VPS36: variants seen among roughly 807,000 people sequenced by gnomAD.
VPS36 encodes the protein vacuolar protein sorting 36 homolog, also known as vacuolar protein-sorting-associated protein 36.
Under a neutral mutation model 63.5 loss-of-function variants are expected in VPS36, and 31 were observed. The observed-to-expected ratio is 0.49, with a 90% CI of 0.37 to 0.66. The LOEUF is 0.66. Among genes scored for constraint, VPS36 ranks in the 30% least tolerant of loss-of-function variants. The probability of loss-of-function intolerance (pLI) is 0.00; values close to 1 mark genes in which losing one functional copy is unlikely to be tolerated. For missense variants in VPS36, 338 were observed against 463.7 expected (o/e 0.73, Z 2.49); for synonymous variants, 138 against 157.2 (o/e 0.88, Z 0.91).
In VPS36 at chr13:52,435,032, C is replaced by T. The variant is rs71437858; in HGVS notation, c.352-150G>A. On this transcript the variant is annotated intron_variant, in intron 4 of 13. Transcript: ENST00000378060. ...TGTTGCCCAGGCTGGAGTGCAATGG[C>T]GTGATCTAGGCTCACCACAACTTCC... 4,014 of 681,424 alleles carry T rather than the reference C, an allele frequency of 5.9e-3. 22 individuals are homozygous for T. The highest frequency in any genetic ancestry group is 7.6e-3 in the Non-Finnish European group (3,309 of 438,000). 42.2% of individuals were successfully genotyped at this position (681,424 alleles called of 1,614,324 possible).
intron 6 of VPS36, among the ~76,000 whole-genome samples, chr13:52,431,809 A>G (rs1456321003): frequency 6.6e-6 from 1 of 151,350 alleles, no homozygotes; most frequent in Non-Finnish European, 1.5e-5. Flanking sequence ...AGTTTCTCAG[A>G]TAAATGGTTG....
At chr13:52,439,354 T>C (rs1333818826) in intron 2 of VPS36, among the ~76,000 whole-genome samples, 186 bp from the exon 3 acceptor site, 1 of 152,186 alleles carries the variant, frequency 6.6e-6, no homozygotes, top group Non-Finnish European at 1.5e-5. Flanking sequence ...TGTGGTGGCA[T>C]TTGGCTGCAT....
chr13:52,417,223 T>C (rs1280602979), intron 11 of VPS36, 82 bp from the exon 12 acceptor site: 1 of 1,190,186 alleles, frequency 8.4e-7, no homozygotes, highest in African/African-American at 1.5e-5. Context: ...TTTTATACCT[T>C]CTTTTATGCC....
chr13:52,416,427 G>A (rs1184793626), intron 12 of VPS36: 2 of 211,692 alleles, frequency 9.4e-6, no homozygotes, highest in South Asian at 1.1e-4. Flanking sequence ...ACATATTAAC[G>A]CTCCAGCGAA....
At chr13:52,439,309 A>AGTTC in intron 2 of VPS36, 141 bp from the exon 3 acceptor site, 5 of 663,968 alleles carry the variant, frequency 7.5e-6, no homozygotes, top group Non-Finnish European at 1.2e-5. Flanking sequence ...TTACTCCTTA[A>AGTTC]ATGAACTTAA....
intron 6 of VPS36, among the ~76,000 whole-genome samples, chr13:52,431,844 T>C (rs1474381986): frequency 1.3e-5 from 2 of 151,246 alleles, no homozygotes; most frequent in South Asian, 2.1e-4. Context: ...GCAGGAAATG[T>C]ACAAGATGGT....
At chr13:52,425,883 G>A in intron 9 of VPS36, 49 bp downstream of exon 9, 1 of 1,558,378 alleles carries the variant, frequency 6.4e-7, no homozygotes, top group Non-Finnish European at 8.7e-7. Context: ...TAATGACATA[G>A]GGCTAATTTA....
At chr13:52,419,737 C>G (rs939298131) in intron 10 of VPS36, among the ~76,000 whole-genome samples, 7 of 152,182 alleles carry the variant, frequency 4.6e-5, no homozygotes, top group African/African-American at 1.7e-4. Flanking sequence ...ACATCATTTG[C>G]AACAACATGG....
In VPS36 at chr13:52,415,935, CAACAA is replaced by C. The variant is rs754732871; in HGVS notation, c.1068-17_1068-13del. ...CTGCAAGCAGCAACCTAAAAAAAAACAACAAAAAAACCCCCACACAATTATCTGTT... is the reference window on the plus strand; with the variant it reads ...CTGCAAGCAGCAACCTAAAAAAAAACAAAAACCCCCACACAATTATCTGTT... On this transcript the variant is annotated splice_polypyrimidine_tract_variant and intron_variant, in intron 13 of 13. Transcript: ENST00000378060. 1.2e-6 allele frequency: 2 copies of C among 1,611,652 alleles called. No individual in the cohort carries two copies. The highest frequency in any genetic ancestry group is 2.7e-5 in the African/African-American group (2 of 74,470).
chr13:52,439,336 A>G (rs1958250288), intron 2 of VPS36, among the ~76,000 whole-genome samples, 168 bp from the exon 3 acceptor site: 1 of 152,218 alleles, frequency 6.6e-6, no homozygotes. Context: ...ATTAAATGAA[A>G]ACAGTAATGT....
Position 52,436,277 on chromosome 13 carries a change from T to G in VPS36, c.351+13A>C. On this transcript the variant is annotated intron_variant, in intron 4 of 13. Coordinates refer to ENST00000378060, the MANE Select transcript of VPS36 (RefSeq NM_016075.4). ...CACCTTTCTAGTACGATTTTATTCA[T>G]GTAGAAACTTACCTCAATCTGGCCA... is the stretch of plus-strand genomic sequence containing the variant. The G allele has an allele frequency of 1.3e-6, 2 of 1,545,092 alleles. No individual in the cohort carries two copies. The highest frequency in any genetic ancestry group is 2.3e-5 in the South Asian group (2 of 87,414).
rs1333557705 is a variant in VPS36, at chr13:52,428,361, T to C, written c.529-1142A>G. On this transcript the variant is annotated intron_variant, in intron 6 of 13. Transcript: ENST00000378060. Reference sequence around the variant, plus strand: ...AGTCCATATGGTGGTCTGAAACATATAATAGTGGCTCTGATCAGCTTATGC... The same window carrying C: ...AGTCCATATGGTGGTCTGAAACATACAATAGTGGCTCTGATCAGCTTATGC... 4.6e-5 allele frequency among the ~76,000 whole-genome samples: 7 copies of C among 152,180 alleles called. No individual in the cohort carries two copies. The South Asian group carries it at 8.3e-4, about 18-fold the overall frequency.
At chr13:52,428,692 T>C (rs1330093895) in intron 6 of VPS36, among the ~76,000 whole-genome samples, 1 of 152,160 alleles carries the variant, frequency 6.6e-6, no homozygotes, top group Admixed American at 6.5e-5. Context: ...AAAACACACA[T>C]TTTGCACACT....
chr13:52,445,409 G>A (rs1330506726), intron 1 of VPS36, among the ~76,000 whole-genome samples: 1 of 152,018 alleles, frequency 6.6e-6, no homozygotes, highest in Admixed American at 6.6e-5. Flanking sequence ...GGAGGCCGAG[G>A]AAGGCGGATC....
At chr13:52,418,560 C>G (rs1189855340) in intron 10 of VPS36, among the ~76,000 whole-genome samples, 1 of 110,526 alleles carries the variant, frequency 9.0e-6, no homozygotes, top group Non-Finnish European at 1.7e-5. Context: ...GGCGATAGTG[C>G]GAGACTCCAT....
At chr13:52,430,475 A>C (rs964660643) in intron 6 of VPS36, among the ~76,000 whole-genome samples, 10 of 152,020 alleles carry the variant, frequency 6.6e-5, no homozygotes, top group African/African-American at 2.4e-4. Flanking sequence ...TACTAAAAAT[A>C]TAAAAAATTA....
intron 1 of VPS36, among the ~76,000 whole-genome samples, chr13:52,445,754 G>A (rs1315848275): frequency 7.0e-6 from 1 of 143,732 alleles, no homozygotes; most frequent in African/African-American, 2.5e-5. Flanking sequence ...TGACTAACAC[G>A]GTGAAACCCC....
At chr13:52,443,959 T>C (rs1958307948) in intron 1 of VPS36, among the ~76,000 whole-genome samples, 1 of 152,190 alleles carries the variant, frequency 6.6e-6, no homozygotes, top group African/African-American at 2.4e-5. Context: ...CTTCCTTGTG[T>C]CCTTTCCAGG....
intron 11 of VPS36, 144 bp from the exon 12 acceptor site, chr13:52,417,285 A>T (rs1449334132): frequency 9.8e-6 from 6 of 613,148 alleles, no homozygotes; most frequent in African/African-American, 1.8e-5. Flanking sequence ...TATCAAACCC[A>T]AGCAACAATG....
Sources: allele counts gnomAD v4.1 joint callset (sites outside exome capture counted in the v4.1 genomes callset), GRCh38; gene constraint gnomAD v4.1.1; transcripts MANE v1.5; gene names NCBI Gene and HGNC (gene_info 2026-07-23, HGNC 2026-07-21).